Variants in TP63 observed in about 807,000 individuals in gnomAD.
TP63 encodes the protein tumor protein p63, also known as tumor protein 63.
A neutral mutation model predicts 82.8 loss-of-function variants in TP63; 17 were observed. That is an observed-to-expected ratio of 0.21 (90% CI 0.14 to 0.31). TP63 has a LOEUF of 0.31. Ranked by LOEUF, TP63 falls within the 10% of genes least tolerant of loss-of-function variation. The pLI is 1.00. For synonymous variants in TP63, 330 were observed against 321.7 expected (o/e 1.03, Z -0.28); for missense variants, 648 against 895.3 (o/e 0.72, Z 3.52).
rs1165955595 is a variant in TP63, at chr3:189,895,283, G to T, written c.*781G>T. 1 of 221,076 alleles carries T rather than the reference G, an allele frequency of 4.5e-6. No homozygotes were observed. The highest frequency in any genetic ancestry group is 9.0e-6 in the Non-Finnish European group (1 of 110,584). The allele number at this position is 221,076 out of a possible 1,614,324, so 13.7% of individuals were successfully genotyped here. ...AACGTCCTCTTTAGTTTTTGGTTGGGAATGAGGAAAATTCTTAAAAGGCCC... is the reference window on the plus strand; with the variant it reads ...AACGTCCTCTTTAGTTTTTGGTTGGTAATGAGGAAAATTCTTAAAAGGCCC... On this transcript the variant is annotated 3_prime_UTR_variant, in exon 14 of 14. Transcript: ENST00000264731.
At chr3:189,640,671 T>C (rs537376073) in intron 1 of TP63, among the ~76,000 whole-genome samples, 43 of 152,298 alleles carry the variant, frequency 2.8e-4, no homozygotes, top group South Asian at 1.7e-3. Context: ...ATTTTACCTC[T>C]GTGTCTTAAA....
chr3:189,734,593 C>T (rs976446023), intron 1 of TP63, among the ~76,000 whole-genome samples: 1 of 152,108 alleles, frequency 6.6e-6, no homozygotes, highest in African/African-American at 2.4e-5. Flanking sequence ...CATTTCTAAA[C>T]CCTCACCCTT....
chr3:189,896,595 C>T lies in TP63; in HGVS notation c.*2093C>T, dbSNP rs1291435234. ...ATTAAGGGGAAGAATGAAAGCTGTT[C>T]CTTGGTCCTAGTAAGAAGACAAACT... On this transcript the variant is annotated 3_prime_UTR_variant, in exon 14 of 14. Transcript: ENST00000264731. The T allele has an allele frequency of 4.7e-6, 1 of 211,270 alleles. No individual in the cohort carries two copies. Among genetic ancestry groups the T allele is most frequent in the Non-Finnish European group, 9.6e-6 (1 of 103,786 alleles). The allele number at this position is 211,270 out of a possible 1,614,324, so 13.1% of individuals were successfully genotyped here. A position where few individuals can be genotyped will look rare whatever the true frequency, so the allele number is the denominator to read the frequency against.
intron 11 of TP63, among the ~76,000 whole-genome samples, chr3:189,888,096 G>T (rs1268470997): frequency 6.6e-6 from 1 of 152,104 alleles, no homozygotes; most frequent in Admixed American, 6.5e-5. Context: ...GACCTCAGGT[G>T]ATCCACCCAC....
At chr3:189,626,373 T>C in the TP63 span, among the ~76,000 whole-genome samples, 2 of 152,160 alleles carry the variant, frequency 1.3e-5, no homozygotes, top group African/African-American at 4.8e-5. Flanking sequence ...CACCACCTCC[T>C]CTCCTTGAAG....
At chr3:189,638,794 G>C (rs1004309969) in intron 1 of TP63, among the ~76,000 whole-genome samples, 5 of 152,136 alleles carry the variant, frequency 3.3e-5, no homozygotes, top group African/African-American at 1.2e-4. Flanking sequence ...GCCTCTCTCT[G>C]AGAAATTGGG....
chr3:189,802,951 A>T (rs1726475006), intron 3 of TP63, among the ~76,000 whole-genome samples: 1 of 152,202 alleles, frequency 6.6e-6, no homozygotes, highest in Non-Finnish European at 1.5e-5. Flanking sequence ...TTGTTGCTAT[A>T]GTGTCATAAA....
At chr3:189,781,382 G>A (rs933288748) in intron 3 of TP63, among the ~76,000 whole-genome samples, 2 of 152,036 alleles carry the variant, frequency 1.3e-5, no homozygotes, top group African/African-American at 2.4e-5. Context: ...GATTATCCAC[G>A]GATTCCTGAT....
chr3:189,599,693 C>T, the TP63 span, among the ~76,000 whole-genome samples: 1 of 152,080 alleles, frequency 6.6e-6, no homozygotes, highest in African/African-American at 2.4e-5. Context: ...TTAGTAGATT[C>T]TGTATTAGTA....
At chr3:189,866,823 A>T (rs1314313092) in intron 6 of TP63, 26 bp downstream of exon 6, 1 of 1,583,636 alleles carries the variant, frequency 6.3e-7, no homozygotes, top group Non-Finnish European at 8.7e-7. Context: ...CCAAACCAAA[A>T]AACAACACCT....
At chr3:189,863,536 C>G (rs1165016149) in intron 4 of TP63, among the ~76,000 whole-genome samples, 1 of 152,142 alleles carries the variant, frequency 6.6e-6, no homozygotes, top group Non-Finnish European at 1.5e-5. Flanking sequence ...AGATCTGCAT[C>G]CAGATCCTTT....
At chr3:189,736,078 G>A (rs917808264) in intron 1 of TP63, among the ~76,000 whole-genome samples, 2 of 149,076 alleles carry the variant, frequency 1.3e-5, no homozygotes, top group Non-Finnish European at 3.0e-5. Flanking sequence ...AATATTTTGA[G>A]ATATATATTA....
chr3:189,811,687 AAGTTTGTAATCCCC>A (rs1228209057), intron 4 of TP63, among the ~76,000 whole-genome samples: 2 of 152,338 alleles, frequency 1.3e-5, no homozygotes, highest in East Asian at 1.9e-4. Flanking sequence ...CCTCATAACC[AAGTTTGTAATCCCC>A]AGTTTTATAG....
the TP63 span, among the ~76,000 whole-genome samples, chr3:189,624,789 A>G: frequency 6.6e-6 from 1 of 152,184 alleles, no homozygotes; most frequent in Non-Finnish European, 1.5e-5. Context: ...TCCCATGCCA[A>G]TTACTGTAGG....
chr3:189,834,888 CTTTTTT>C (rs10641824), intron 4 of TP63, among the ~76,000 whole-genome samples: 1 of 138,750 alleles, frequency 7.2e-6, no homozygotes, highest in Non-Finnish European at 1.5e-5. Flanking sequence ...GGTTTTTTTC[CTTTTTT>C]TTTTTTTGTC....
intron 1 of TP63, among the ~76,000 whole-genome samples, chr3:189,715,640 C>A (rs1242704629): frequency 6.6e-6 from 1 of 152,214 alleles, no homozygotes; most frequent in East Asian, 1.9e-4. Flanking sequence ...GACATAGCCA[C>A]CATGGTATGT....
chr3:189,803,874 T>C (rs779851821), intron 3 of TP63, among the ~76,000 whole-genome samples: 20 of 152,224 alleles, frequency 1.3e-4, no homozygotes, highest in Admixed American at 3.3e-4. Context: ...TGCCTTTATG[T>C]TTTGTGGAAA....
chr3:189,695,448 A>T (rs1177074736), intron 1 of TP63, among the ~76,000 whole-genome samples: 3 of 152,156 alleles, frequency 2.0e-5, no homozygotes, highest in Admixed American at 1.3e-4. Flanking sequence ...AGAAGCAGCT[A>T]CTTATCCAAG....
intron 1 of TP63, among the ~76,000 whole-genome samples, chr3:189,712,542 C>T (rs758283809): frequency 6.6e-6 from 1 of 152,138 alleles, no homozygotes; most frequent in Non-Finnish European, 1.5e-5. Flanking sequence ...GGAAAGGGCA[C>T]ACAGCAGCTC....
Sources: gnomAD v4.1 joint callset for allele counts (sites outside exome capture counted in the v4.1 genomes callset) on GRCh38, gnomAD v4.1.1 for gene constraint, MANE v1.5 for transcripts, NCBI Gene and HGNC (gene_info 2026-07-23, HGNC 2026-07-21) for gene names.